Variants in SEMA3D observed in about 807,000 individuals in gnomAD.
SEMA3D encodes semaphorin-3D.
Under a neutral mutation model 100.1 loss-of-function variants are expected in SEMA3D, and 84 were observed. That is an observed-to-expected ratio of 0.84 (90% CI 0.70 to 1.01). SEMA3D has a LOEUF of 1.01. Ranked by LOEUF, SEMA3D falls within the 50% of genes least tolerant of loss-of-function variation. The pLI is 0.00. For synonymous variants in SEMA3D, 312 were observed against 320.7 expected (o/e 0.97, Z 0.29); for missense variants, 875 against 934.1 (o/e 0.94, Z 0.82).
chr7:84,998,147 G>A lies in SEMA3D; in HGVS notation c.*1293C>T, dbSNP rs578178950. 5.3e-5 allele frequency: 8 copies of A among 152,006 alleles called. No homozygotes were observed. The highest frequency in any genetic ancestry group is 7.2e-5 in the African/African-American group (3 of 41,492). 9.4% of individuals were successfully genotyped at this position (152,006 alleles called of 1,614,324 possible). A position where few individuals can be genotyped will look rare whatever the true frequency, so the allele number is the denominator to read the frequency against. On this transcript the variant is annotated 3_prime_UTR_variant, in exon 19 of 19. Transcript: ENST00000284136. Reference sequence around the variant, plus strand: ...TTTCCGTTGTTAAAATTTTACACTCGTTCTGTTATTCAACAAATATATATC... The same window carrying A: ...TTTCCGTTGTTAAAATTTTACACTCATTCTGTTATTCAACAAATATATATC...
the SEMA3D span, among the ~76,000 whole-genome samples, chr7:85,192,659 T>G: frequency 6.6e-6 from 1 of 152,260 alleles, no homozygotes; most frequent in Admixed American, 6.5e-5. Flanking sequence ...ATAGTGAACA[T>G]TTTGACCTTT....
the SEMA3D span, among the ~76,000 whole-genome samples, chr7:85,207,402 A>G: frequency 1.3e-5 from 2 of 152,110 alleles, no homozygotes; most frequent in Non-Finnish European, 2.9e-5. Context: ...AATACTTAAT[A>G]ACATCCAATG....
At chr7:85,156,615 T>C (rs1238350930) in intron 1 of SEMA3D, among the ~76,000 whole-genome samples, 2 of 152,222 alleles carry the variant, frequency 1.3e-5, no homozygotes, top group Non-Finnish European at 2.9e-5. Flanking sequence ...TCCTAATTTA[T>C]GAGCAAATTT....
the SEMA3D span, among the ~76,000 whole-genome samples, chr7:85,215,442 G>T: frequency 6.6e-6 from 1 of 152,028 alleles, no homozygotes; most frequent in Admixed American, 6.6e-5. Flanking sequence ...TATTCAATCT[G>T]ATTTCAAGTC....
chr7:85,022,888 T>G (rs1790295364), intron 12 of SEMA3D, among the ~76,000 whole-genome samples: 1 of 151,930 alleles, frequency 6.6e-6, no homozygotes, highest in African/African-American at 2.4e-5. Flanking sequence ...CTTCTGAAGA[T>G]TGTTTCTAAT....
chr7:85,041,881 A>T (rs1790875657), intron 10 of SEMA3D: 1 of 317,446 alleles, frequency 3.2e-6, no homozygotes, highest in Non-Finnish European at 5.7e-6. Flanking sequence ...TGCATGGAGA[A>T]TGGATGAACT....
intron 17 of SEMA3D, among the ~76,000 whole-genome samples, chr7:85,010,277 A>T (rs927881700): frequency 1.3e-5 from 2 of 151,878 alleles, no homozygotes; most frequent in African/African-American, 4.8e-5. Flanking sequence ...GAAGCATCTT[A>T]CATGCCATAG....
At chr7:85,250,204 C>T in the SEMA3D span, among the ~76,000 whole-genome samples, 15 of 140,790 alleles carry the variant, frequency 1.1e-4, no homozygotes, top group South Asian at 3.4e-3. Context: ...CCGCACCTGG[C>T]TCGGAGGGTC....
the SEMA3D span, among the ~76,000 whole-genome samples, chr7:85,249,066 T>C: frequency 1.3e-5 from 2 of 152,202 alleles, no homozygotes; most frequent in African/African-American, 4.8e-5. Flanking sequence ...GGAGAGGTTA[T>C]GCATGTGTGG....
At chr7:85,037,067 A>T (rs778346950) in intron 11 of SEMA3D, 34 bp from the exon 12 acceptor site, 15 of 1,600,942 alleles carry the variant, frequency 9.4e-6, no homozygotes, top group Non-Finnish European at 1.3e-5. Flanking sequence ...TCAATCATTC[A>T]CTGATGAATT....
At chr7:85,156,348 C>G (rs539328950) in intron 1 of SEMA3D, among the ~76,000 whole-genome samples, 1 of 152,162 alleles carries the variant, frequency 6.6e-6, no homozygotes, top group South Asian at 2.1e-4. Flanking sequence ...TGATCCACCC[C>G]TTCGGCCTTC....
At chr7:85,141,007 T>C (rs1156975027) in intron 2 of SEMA3D, 1 of 660,270 alleles carries the variant, frequency 1.5e-6, no homozygotes, top group East Asian at 1.4e-4. Context: ...ATCAATAATC[T>C]AGTTTATAAA....
Position 85,106,993 on chromosome 7 carries a change from C to T in SEMA3D, c.152-9028G>A, listed in dbSNP as rs547230016. Among the ~76,000 whole-genome samples, 9 of 152,180 alleles carry T rather than the reference C, an allele frequency of 5.9e-5. No individual in the cohort carries two copies. The South Asian group carries it at 1.9e-3, about 32-fold the overall frequency. Reference sequence around the variant, plus strand: ...TGAGGTTTGGGTGGCAACACAGTCACACCATATCACCATTTGTATTTCCAA... The same window carrying T: ...TGAGGTTTGGGTGGCAACACAGTCATACCATATCACCATTTGTATTTCCAA... On this transcript the variant is annotated intron_variant, in intron 3 of 18. Coordinates refer to ENST00000284136, the MANE Select transcript of SEMA3D (RefSeq NM_001384900.1).
chr7:85,175,788 G>A (rs1791207520), intron 1 of SEMA3D, among the ~76,000 whole-genome samples: 3 of 151,818 alleles, frequency 2.0e-5, no homozygotes, highest in Admixed American at 6.6e-5. Context: ...CAATGAATTC[G>A]GTTATGATGG....
intron 8 of SEMA3D, among the ~76,000 whole-genome samples, chr7:85,059,496 A>G (rs1410388082): frequency 1.3e-5 from 2 of 152,212 alleles, no homozygotes; most frequent in Non-Finnish European, 2.9e-5. Flanking sequence ...TGTAGAACTT[A>G]CACATGCAGC....
chr7:85,081,239 C>T lies in SEMA3D; in HGVS notation c.375+278G>A, dbSNP rs1158127363. Among the ~76,000 whole-genome samples the T allele has an allele frequency of 7.2e-5, 11 of 152,148 alleles. 1 individual carries two copies. On this transcript the variant is annotated intron_variant, in intron 5 of 18. Transcript: ENST00000284136. ...CTTTTGGATGGTTTATTTTTGAATA[C>T]TTTAATGTGTTTCTAATCTTTTTTG...
chr7:85,070,284 A>T (rs1484060568), intron 6 of SEMA3D, among the ~76,000 whole-genome samples: 1 of 152,166 alleles, frequency 6.6e-6, no homozygotes, highest in African/African-American at 2.4e-5. Context: ...GTGCAAAACT[A>T]ACTCACCATA....
At chr7:85,097,463 T>C (rs1583919146) in intron 4 of SEMA3D, among the ~76,000 whole-genome samples, 1 of 151,928 alleles carries the variant, frequency 6.6e-6, no homozygotes, top group East Asian at 1.9e-4. Context: ...GATATAAATA[T>C]TCATTCTTGA....
the SEMA3D span, among the ~76,000 whole-genome samples, chr7:85,203,515 C>G: frequency 1.2e-3 from 178 of 152,230 alleles, no homozygotes; most frequent in African/African-American, 3.8e-3. Flanking sequence ...GGCTTTTGAG[C>G]AAGATCTTGC....
Sources: gnomAD v4.1 joint callset for allele counts (sites outside exome capture counted in the v4.1 genomes callset) on GRCh38, gnomAD v4.1.1 for gene constraint, MANE v1.5 for transcripts, NCBI Gene and HGNC (gene_info 2026-07-23, HGNC 2026-07-21) for gene names.